Variants in NLRP2 observed in about 807,000 individuals in gnomAD.
The protein encoded by NLRP2 is NACHT, LRR and PYD domains-containing protein 2.
NLRP2 carries 107 observed loss-of-function variants against 97.2 expected under a neutral mutation model. The observed-to-expected ratio is 1.10, with a 90% CI of 0.94 to 1.29. NLRP2 has a LOEUF of 1.29. Ranked by LOEUF, NLRP2 falls within the 50% of genes most tolerant of loss-of-function variation. The probability of loss-of-function intolerance (pLI) is 0.00; values close to 1 mark genes in which losing one functional copy is unlikely to be tolerated. For synonymous variants in NLRP2, 663 were observed against 551.5 expected, an observed-to-expected ratio of 1.20 and a Z score of -2.83; for missense variants, 1,495 against 1,330.3, an observed-to-expected ratio of 1.12 and a Z score of -1.93.
chr19:54,982,493 C>T lies in NLRP2; in HGVS notation c.795C>T (p.Asp265=). 6.2e-7 allele frequency: 1 copy of T among 1,614,190 alleles called. No homozygotes were observed. Among genetic ancestry groups the T allele is most frequent in the East Asian group, 2.2e-5 (1 of 44,884 alleles). The change falls in exon 6 of 13, where the codon GAC becomes GAT. Residue 265 remains aspartate, a synonymous_variant. Transcript: ENST00000448584. ...PCSFAELVFR[D]WPELQDDIPH... Reference sequence around the variant, plus strand: ...GTTTTGCAGAGCTGGTCTTCAGGGACTGGCCTGAATTGCAGGATGACATTC... The same window carrying T: ...GTTTTGCAGAGCTGGTCTTCAGGGATTGGCCTGAATTGCAGGATGACATTC...
chr19:54,975,448 T>C (rs528641358), intron 3 of NLRP2, among the ~76,000 whole-genome samples: 3 of 100,490 alleles, frequency 3.0e-5, no homozygotes, highest in Non-Finnish European at 4.0e-5. Context: ...TCCTGAAGAT[T>C]ATTATTATTT....
Position 54,983,247 on chromosome 19 carries a change from C to G in NLRP2, c.1549C>G (p.Leu517Val), listed in dbSNP as rs754175644. 2.7e-5 allele frequency: 43 copies of G among 1,613,498 alleles called. No individual in the cohort carries two copies. Among genetic ancestry groups the G allele is most frequent in the Non-Finnish European group, 3.6e-5 (42 of 1,179,548 alleles). The change falls in exon 6 of 13, where the codon CTG becomes GTG. Residue 517 changes from leucine (L) to valine (V), a missense_variant. By Grantham distance (32) the Leu-to-Val change is conservative. Transcript: ENST00000448584. ...GTTTCTCACTGCCCTGTTCTACACC[C>G]TGGAGAAGGAGGAGGAAGAGGATAG... ...QQFLTALFYT[L>V]EKEEEEDRDG...
At chr19:54,975,106 G>GTTTTGTTTTTTTTTTTTTTT (rs2071120773) in intron 3 of NLRP2, among the ~76,000 whole-genome samples, 1 of 58,674 alleles carries the variant, frequency 1.7e-5, no homozygotes, top group Non-Finnish European at 3.5e-5. Context: ...ACCCGGTTTT[G>GTTTTGTTTTTTTTTTTTTTT]TTTTTTTTTT....
Position 54,983,217 on chromosome 19 carries a change from C to T in NLRP2, c.1519C>T (p.Gln507Ter), listed in dbSNP as rs769664318. ...CTACTCCTTCATCCACCTCAGCTTC[C>T]AGCAGTTTCTCACTGCCCTGTTCTA... Reference protein sequence around the residue: ...GCYSFIHLSFQQFLTALFYTL... With the variant: ...GCYSFIHLSF The change falls in exon 6 of 13, where the codon CAG becomes TAG. Residue 507 changes from glutamine (Q) to a stop codon, truncating the protein, a stop_gained. Coordinates refer to ENST00000448584, the MANE Select transcript of NLRP2 (RefSeq NM_017852.5). LOFTEE classifies it high-confidence loss of function. 6.8e-6 allele frequency: 11 copies of T among 1,613,908 alleles called. No homozygotes were observed. Among genetic ancestry groups the T allele is most frequent in the East Asian group, 2.2e-5 (1 of 44,878 alleles).
intron 8 of NLRP2, among the ~76,000 whole-genome samples, chr19:54,988,918 C>T (rs954997223): frequency 6.6e-6 from 1 of 151,976 alleles, no homozygotes; most frequent in African/African-American, 2.4e-5. Flanking sequence ...GCCTGTAATC[C>T]CAGTACTTTG....
intron 2 of NLRP2, among the ~76,000 whole-genome samples, chr19:54,973,522 C>T (rs1240811498): frequency 6.6e-6 from 1 of 151,756 alleles, no homozygotes; most frequent in Non-Finnish European, 1.5e-5. Context: ...ATTACAGGCG[C>T]CTACCACCAT....
rs1490520343 is a variant in NLRP2, at chr19:54,990,259, T to C, written c.2537+67T>C. 5 of 1,526,264 alleles carry C rather than the reference T, an allele frequency of 3.3e-6. No individual in the cohort carries two copies. The South Asian group carries it at 4.5e-5, about 14-fold the overall frequency. 94.5% of individuals were successfully genotyped at this position (1,526,264 alleles called of 1,614,324 possible). A position where few individuals can be genotyped will look rare whatever the true frequency, so the allele number is the denominator to read the frequency against. ...TGGGGCCACAGACGAGCAATGGTCATGCCTGACTTGGCTGTATGGAACCTC... is the reference window on the plus strand; with the variant it reads ...TGGGGCCACAGACGAGCAATGGTCACGCCTGACTTGGCTGTATGGAACCTC... On this transcript the variant is annotated intron_variant, in intron 9 of 12. Transcript: ENST00000448584.
In NLRP2 at chr19:54,979,465, G is replaced by A. The variant is rs534521924; in HGVS notation, c.397+1642G>A. On this transcript the variant is annotated intron_variant, in intron 4 of 12. Transcript: ENST00000448584. ...TCAAGTGATTCTGCCTCAGCCTCCCGAGTAGCTGGGATCATAGGCGCCCAC... is the reference window on the plus strand; with the variant it reads ...TCAAGTGATTCTGCCTCAGCCTCCCAAGTAGCTGGGATCATAGGCGCCCAC... 1.3e-4 allele frequency among the ~76,000 whole-genome samples: 19 copies of A among 151,176 alleles called. 1 individual carries two copies. The South Asian group carries it at 3.4e-3, about 27-fold the overall frequency.
In NLRP2 at chr19:54,990,717, C is replaced by CGCCCCCCACCTCCGGGTTT. The variant is rs1417719854; in HGVS notation, c.2708+47_2708+65dup. On this transcript the variant is annotated intron_variant, in intron 10 of 12. Transcript: ENST00000448584. ...CTGTGTGCGTGGGTGTATATGCACA[C>CGCCCCCCACCTCCGGGTTT]GCCCCCCACCTCCGGGTTTGAGTAG... The CGCCCCCCACCTCCGGGTTT allele has an allele frequency of 5.6e-6, 9 of 1,601,064 alleles. No homozygotes were observed. In the East Asian group the frequency reaches 1.1e-4, roughly 20 times the overall value.
rs1489860556 is a variant in NLRP2 at position 54,977,827 on chromosome 19, G to T, written c.397+4G>T. 1.2e-6 allele frequency: 2 copies of T among 1,613,182 alleles called. No individual in the cohort carries two copies. Among genetic ancestry groups the T allele is most frequent in the Non-Finnish European group, 8.5e-7 (1 of 1,179,906 alleles). The stretch of plus-strand genomic sequence containing the variant: ...CGCTTCAAAACAGAAGCACAAGGTG[G>T]GTGTCAGGACCTCCAATGTTGGAGT... On this transcript the variant is annotated splice_donor_region_variant and intron_variant, in intron 4 of 12. Coordinates refer to ENST00000448584, the MANE Select transcript of NLRP2 (RefSeq NM_017852.5).
intron 12 of NLRP2, among the ~76,000 whole-genome samples, chr19:54,999,616 C>T (rs1002530713): frequency 2.0e-5 from 3 of 151,764 alleles, no homozygotes; most frequent in Non-Finnish European, 2.9e-5. Flanking sequence ...TGGCTATATA[C>T]CATTACAAGG....
intron 1 of NLRP2, among the ~76,000 whole-genome samples, chr19:54,969,258 G>A (rs949376527): frequency 2.0e-5 from 3 of 151,980 alleles, no homozygotes; most frequent in East Asian, 1.9e-4. Context: ...GGTGAATCAC[G>A]AGGTCAGGAG....
At chr19:54,971,290 ATG>A (rs1347775716) in intron 2 of NLRP2, among the ~76,000 whole-genome samples, 2 of 149,750 alleles carry the variant, frequency 1.3e-5, no homozygotes, top group Non-Finnish European at 1.5e-5. Context: ...ATACGTGTGC[ATG>A]TGTCTTTATA....
rs541059927 is a variant in NLRP2 at position 54,990,128 on chromosome 19, G to T, written c.2473G>T (p.Asp825Tyr). 2 of 1,614,160 alleles carry T rather than the reference G, an allele frequency of 1.2e-6. No homozygotes were observed. Among genetic ancestry groups the T allele is most frequent in the African/African-American group, 1.3e-5 (1 of 75,032 alleles). Residue 825 changes from aspartate to tyrosine, a missense_variant, in exon 9 of 13, where the codon GAT becomes TAT. Transcript: ENST00000448584. ...CVNLSDNELLDEGAKLLYTTL... is the reference protein window; with the variant it reads ...CVNLSDNELLYEGAKLLYTTL... Reference sequence around the variant, plus strand: ...AAACCTCTCCGACAATGAGCTTCTGGATGAGGGTGCTAAGTTGCTGTACAC... The same window carrying T: ...AAACCTCTCCGACAATGAGCTTCTGTATGAGGGTGCTAAGTTGCTGTACAC...
chr19:54,983,415 T>G lies in NLRP2; in HGVS notation c.1717T>G (p.Phe573Val). 1.9e-6 allele frequency: 3 copies of G among 1,614,194 alleles called. 1 individual carries two copies. Among genetic ancestry groups the G allele is most frequent in the Middle Eastern group, 3.3e-4 (2 of 6,062 alleles). The change falls in exon 6 of 13, where the codon TTT (phenylalanine) becomes GTT (valine). Residue 573 changes from phenylalanine to valine, a missense_variant. Coordinates refer to ENST00000448584, the MANE Select transcript of NLRP2 (RefSeq NM_017852.5). The part of the protein sequence containing the change: ...EKRAKELEAT[F>V]GCRMSPDIKQ... ...GAGAGCCAAGGAGTTGGAGGCCACT[T>G]TTGGCTGCCGGATGTCACCGGACAT...
At chr19:54,981,728 T>C (rs2071590125) in intron 5 of NLRP2, 46 bp downstream of exon 5, 1 of 1,044,744 alleles carries the variant, frequency 9.6e-7, no homozygotes, top group Non-Finnish European at 1.5e-6. Flanking sequence ...CAGATTTCTC[T>C]TTATAAACTT....
rs2071585274 is a variant in NLRP2, at chr19:54,981,671, GA to G, written c.458del (p.Lys153SerfsTer12). The part of the protein sequence containing the change: ...VICLGKEVFK[G>X]KKPDKDNRCR... ...TGCCTGGGTAAAGAAGTCTTTAAAGGAAAAAAGCCAGGTCTGTACCATATCT... is the reference window on the plus strand; with the variant it reads ...TGCCTGGGTAAAGAAGTCTTTAAAGGAAAAAGCCAGGTCTGTACCATATCT... On this transcript the variant is annotated frameshift_variant, in exon 5 of 13. Coordinates refer to ENST00000448584, the MANE Select transcript of NLRP2 (RefSeq NM_017852.5). LOFTEE classifies it high-confidence loss of function. 5 of 1,575,660 alleles carry G rather than the reference GA, an allele frequency of 3.2e-6. No homozygotes were observed. The highest frequency in any genetic ancestry group is 4.4e-6 in the Non-Finnish European group (5 of 1,145,076).
intron 10 of NLRP2, among the ~76,000 whole-genome samples, chr19:54,992,542 G>C (rs1240408244): frequency 4.7e-5 from 2 of 42,236 alleles, no homozygotes; most frequent in Admixed American, 5.8e-4. Flanking sequence ...TTTTTTTGGG[G>C]GGGGGGGGGT....
At chr19:54,993,736 ACACC>A (rs1225361538) in intron 10 of NLRP2, 1 of 247,422 alleles carries the variant, frequency 4.0e-6, no homozygotes, top group Non-Finnish European at 7.9e-6. Flanking sequence ...GTACACACAC[ACACC>A]CCCCTGTAAT....
Sources: allele counts gnomAD v4.1 joint callset (sites outside exome capture counted in the v4.1 genomes callset), GRCh38; gene constraint gnomAD v4.1.1; transcripts MANE v1.5; gene names NCBI Gene and HGNC (gene_info 2026-07-23, HGNC 2026-07-21).